Variants in MYO7B observed in about 807,000 individuals in gnomAD.
MYO7B encodes myosin VIIB.
In MYO7B, 212 loss-of-function variants were observed where a neutral mutation model predicts 259.7. That is an observed-to-expected ratio of 0.82 (90% confidence interval 0.73 to 0.91). MYO7B has a LOEUF of 0.91. MYO7B is among the 40% of genes least tolerant of loss of function. The probability of loss-of-function intolerance (pLI) is 0.00; values close to 1 mark genes in which losing one functional copy is unlikely to be tolerated. For missense variants in MYO7B, 2,732 were observed against 2,813.5 expected (o/e 0.97, Z 0.66); for synonymous variants, 1,197 against 1,166.4 (o/e 1.03, Z -0.54).
In MYO7B at chr2:127,556,229, T is replaced by A. The variant is rs148317165; in HGVS notation, c.-23-3471T>A. 7.9e-3 allele frequency among the ~76,000 whole-genome samples: 1,201 copies of A among 152,336 alleles called. 20 individuals carry two copies. Among genetic ancestry groups the A allele is most frequent in the African/African-American group, 0.027 (1,128 of 41,574 alleles). On this transcript the variant is annotated intron_variant, in intron 1 of 47. Coordinates refer to ENST00000409816, the MANE Select transcript of MYO7B (RefSeq NM_001393586.1). The stretch of plus-strand genomic sequence containing the variant: ...TAAGAATAACTACTCCTACTCACGT[T>A]TGGTGTCCATTTGCACAGAATGTCT...
Position 127,615,925 on chromosome 2 carries a change from T to G in MYO7B, c.3398+3322T>G, listed in dbSNP as rs1037353160. ...TCCACAGGTCCCTCCAGTCTCCCGT[T>G]GCATGGTCGCACACAACTTGAGGGC... On this transcript the variant is annotated intron_variant, in intron 26 of 47. Transcript: ENST00000409816. The surrounding 1 kb of genome is among the most constrained non-coding windows in gnomAD (Gnocchi z 4.4). Among the ~76,000 whole-genome samples, 2 of 152,208 alleles carry G rather than the reference T, an allele frequency of 1.3e-5. No homozygotes were observed. The highest frequency in any genetic ancestry group is 4.8e-5 in the African/African-American group (2 of 41,444).
At chr2:127,571,331 G>A (rs963624868) in intron 6 of MYO7B, among the ~76,000 whole-genome samples, 12 of 151,618 alleles carry the variant, frequency 7.9e-5, no homozygotes, top group Middle Eastern at 3.4e-3. Context: ...GGATGTTAGC[G>A]TCCTTCCTCA....
In MYO7B at chr2:127,636,739, C is replaced by T. The variant is rs1573734766; in HGVS notation, c.6208-55C>T. ...CCTGCCTCTCTCCTGTCCCCTAACA[C>T]ACACAGAGCCCGTGCTCTGGAGGCG... On this transcript the variant is annotated intron_variant, in intron 46 of 47. Transcript: ENST00000409816. The surrounding 1 kb of genome is among the most constrained non-coding windows in gnomAD (Gnocchi z 4.5). 6.2e-6 allele frequency: 10 copies of T among 1,612,044 alleles called. No individual in the cohort carries two copies. In the East Asian group the frequency reaches 1.8e-4, roughly 29 times the overall value.
chr2:127,632,913 C>T (rs2105140006), intron 39 of MYO7B, among the ~76,000 whole-genome samples: 1 of 152,294 alleles, frequency 6.6e-6, no homozygotes, highest in South Asian at 2.1e-4. Context: ...AGGTGGGCGC[C>T]CCATAGAGGC....
In MYO7B at chr2:127,632,367, C is replaced by A. The variant is rs1009702567; in HGVS notation, c.5371C>A (p.Pro1791Thr). The part of the protein sequence containing the change: ...IDTRRGKLLA[P>T]DCSRRIQKVL... The stretch of plus-strand genomic sequence containing the variant: ...CACTCGGAGGGGGAAGCTGCTGGCC[C>A]CCGACTGCAGCCGCCGAATCCAGAA... The change falls in exon 39 of 48, where the codon CCC (proline) becomes ACC (threonine). Residue 1791 changes from proline to threonine, a missense_variant. By Grantham distance (38) the Pro-to-Thr change is conservative. This residue lies in a region of MYO7B where 821 missense variants were observed against 769.3 expected (regional missense o/e 1.07). Coordinates refer to ENST00000409816, the MANE Select transcript of MYO7B (RefSeq NM_001393586.1). The A allele has an allele frequency of 6.3e-7, 1 of 1,587,492 alleles. No homozygotes were observed. Among genetic ancestry groups the A allele is most frequent in the Admixed American group, 1.8e-5 (1 of 56,776 alleles).
chr2:127,565,169 G>A, intron 3 of MYO7B, 64 bp from the exon 4 acceptor site: 2 of 1,559,136 alleles, frequency 1.3e-6, no homozygotes, highest in South Asian at 1.2e-5. Flanking sequence ...GGAGGGGAGG[G>A]TGTGGCAGGC....
Position 127,622,065 on chromosome 2 carries a change from G to T in MYO7B, c.3609G>T (p.Gly1203=), listed in dbSNP as rs1195763596. The T allele has an allele frequency of 1.9e-6, 3 of 1,551,476 alleles. No homozygotes were observed. The Admixed American group carries it at 5.9e-5, about 30-fold the overall frequency. ...AERLRRTYAN[G]VRAEPPTWLE... ...GCCTGAGACGCACCTATGCCAATGG[G>T]GTGCGTGCGGAGCCCCCCACCTGGC... Residue 1203 remains glycine, a synonymous_variant, in exon 28 of 48, where the codon GGG becomes GGT. Transcript: ENST00000409816.
rs947417414 is a variant in MYO7B, at chr2:127,577,234, C to A, written c.849+526C>A. Among the ~76,000 whole-genome samples the A allele has an allele frequency of 6.6e-6, 1 of 152,110 alleles. No individual in the cohort carries two copies. Among genetic ancestry groups the A allele is most frequent in the African/African-American group, 2.4e-5 (1 of 41,418 alleles). ...TGGTTTATTGACCACAGAGTGGACC[C>A]AGAGCATTCTGCCTCTGGGATCTCT... On this transcript the variant is annotated intron_variant, in intron 8 of 47. Coordinates refer to ENST00000409816, the MANE Select transcript of MYO7B (RefSeq NM_001393586.1). This position sits in a 1 kb window ranked among gnomAD's most constrained non-coding sequence, Gnocchi z 5.2.
rs1192593984 is a variant in MYO7B, at chr2:127,634,223, C to T, written c.5559C>T (p.Ser1853=). ...CACGGGTGCGGGATGTGTGTGACAG[C>T]ATTGCCACCAGGCTGCAGCTGGCCT... ...ANTRVRDVCD[S]IATRLQLASW... Residue 1853 remains serine, a synonymous_variant, in exon 41 of 48, where the codon AGC becomes AGT. Transcript: ENST00000409816. The T allele has an allele frequency of 2.5e-6, 4 of 1,599,742 alleles. No individual in the cohort carries two copies. Among genetic ancestry groups the T allele is most frequent in the African/African-American group, 1.3e-5 (1 of 74,242 alleles).
At chr2:127,631,847 G>T (rs10183797) in intron 38 of MYO7B, 94 bp downstream of exon 38, 1 of 1,481,028 alleles carries the variant, frequency 6.8e-7, no homozygotes. Context: ...CACCGCAGCT[G>T]GTGGCGGCAG....
rs938731521 is a variant in MYO7B, at chr2:127,576,764, T to G, written c.849+56T>G. 5.4e-6 allele frequency: 7 copies of G among 1,286,106 alleles called. No individual in the cohort carries two copies. In the African/African-American group the frequency reaches 8.9e-5, roughly 16 times the overall value. The allele number at this position is 1,286,106 out of a possible 1,614,324, so 79.7% of individuals were successfully genotyped here. A position where few individuals can be genotyped will look rare whatever the true frequency, so the allele number is the denominator to read the frequency against. ...CCAGTGGAAGGGAGGAAAAAGAGCT[T>G]GTGCCGCTCCACCCTCCGCGACAGC... On this transcript the variant is annotated intron_variant, in intron 8 of 47. Transcript: ENST00000409816. This position sits in a 1 kb window ranked among gnomAD's most constrained non-coding sequence, Gnocchi z 4.9.
Position 127,633,268 on chromosome 2 carries a change from C to T in MYO7B, c.5416C>T (p.Arg1806Trp), listed in dbSNP as rs749576991. 1.9e-5 allele frequency: 31 copies of T among 1,610,354 alleles called. No individual in the cohort carries two copies. The highest frequency in any genetic ancestry group is 4.5e-5 in the East Asian group (2 of 44,812). The change falls in exon 40 of 48, where the codon CGG (arginine) becomes TGG (tryptophan). Residue 1806 changes from arginine to tryptophan, a missense_variant. By Grantham distance (101) the Arg-to-Trp change is moderately radical. Transcript: ENST00000409816. Reference sequence around the variant, plus strand: ...CGCTGTCCCCCTCAGGACGGGGCCCCGGAAGCAGCCCCCGCACCAGGTGGA... The same window carrying T: ...CGCTGTCCCCCTCAGGACGGGGCCCTGGAAGCAGCCCCCGCACCAGGTGGA... ...RIQKVLRTGP[R>W]KQPPHQVEVE...
chr2:127,605,261 G>C (rs986938076), intron 19 of MYO7B, among the ~76,000 whole-genome samples: 1 of 152,152 alleles, frequency 6.6e-6, no homozygotes, highest in Non-Finnish European at 1.5e-5. Flanking sequence ...TAGCTCTTTG[G>C]GGGTAGAGGG....
In MYO7B at chr2:127,545,191, G is replaced by A. The variant is rs1458137754; in HGVS notation, c.-24+9360G>A. Among the ~76,000 whole-genome samples, 55 of 152,242 alleles carry A rather than the reference G, an allele frequency of 3.6e-4. 1 individual carries two copies. The highest frequency in any genetic ancestry group is 3.6e-3 in the Admixed American group (55 of 15,284). ...CATCTACCTTGATGAACTTTTACAA[G>A]TATATTTGCAGGGTATGTTGCTAAT... On this transcript the variant is annotated intron_variant, in intron 1 of 47. Coordinates refer to ENST00000409816, the MANE Select transcript of MYO7B (RefSeq NM_001393586.1).
At position 127,559,448 on chromosome 2, in the gene MYO7B, C is replaced by T. The variant is rs1677975060; in HGVS notation, c.-23-252C>T. Among the ~76,000 whole-genome samples, 1 of 152,198 alleles carries T rather than the reference C, an allele frequency of 6.6e-6. No homozygotes were observed. The highest frequency in any genetic ancestry group is 1.5e-5 in the Non-Finnish European group (1 of 68,036). On this transcript the variant is annotated intron_variant, in intron 1 of 47. Coordinates refer to ENST00000409816, the MANE Select transcript of MYO7B (RefSeq NM_001393586.1). This position sits in a 1 kb window ranked among gnomAD's most constrained non-coding sequence, Gnocchi z 4.1. ...TGGATGACAGGGAACCACCTACTCC[C>T]TGTATCAAGCCCAGGACTGGGTATG...
chr2:127,631,325 A>G lies in MYO7B; in HGVS notation c.5057A>G (p.Asn1686Ser), dbSNP rs376675916. The G allele has an allele frequency of 4.0e-5, 64 of 1,611,752 alleles. No individual in the cohort carries two copies. The East Asian group carries it at 8.9e-4, about 22-fold the overall frequency. The change falls in exon 37 of 48, where the codon AAC (asparagine) becomes AGC (serine). Residue 1686 changes from asparagine to serine, a missense_variant. Transcript: ENST00000409816. ...RQPLLKRVHA[N>S]VDLWDIACQI... ...CCGCTGCTCAAGCGAGTCCACGCCA[A>G]CGTCGACCTCTGGGACATCGCCTGC... is the stretch of plus-strand genomic sequence containing the variant.
At position 127,627,147 on chromosome 2, in the gene MYO7B, C is replaced by G. The variant is rs1439431064; in HGVS notation, c.4334-37C>G. On this transcript the variant is annotated intron_variant, in intron 32 of 47. Coordinates refer to ENST00000409816, the MANE Select transcript of MYO7B (RefSeq NM_001393586.1). The surrounding 1 kb of genome is among the most constrained non-coding windows in gnomAD (Gnocchi z 5.6). ...AGGTATGGGCTGGGCACCCAGGGGT[C>G]CCATGCAGCCTTCACACTGCCGTCT... is the stretch of plus-strand genomic sequence containing the variant. 2 of 1,603,580 alleles carry G rather than the reference C, an allele frequency of 1.2e-6. No homozygotes were observed. Among genetic ancestry groups the G allele is most frequent in the Non-Finnish European group, 1.7e-6 (2 of 1,175,370 alleles).
At chr2:127,544,201 C>T (rs1693125622) in intron 1 of MYO7B, among the ~76,000 whole-genome samples, 1 of 152,132 alleles carries the variant, frequency 6.6e-6, no homozygotes, top group South Asian at 2.1e-4. Flanking sequence ...CTCAGCCTCT[C>T]AAGTAGCTGG....
At chr2:127,578,685 G>T (rs977779559) in intron 9 of MYO7B, among the ~76,000 whole-genome samples, 1 of 152,132 alleles carries the variant, frequency 6.6e-6, no homozygotes, top group Non-Finnish European at 1.5e-5. Flanking sequence ...GACAGTCCTC[G>T]CTGGAAAAAA....
Sources: gnomAD v4.1 joint callset for allele counts (sites outside exome capture counted in the v4.1 genomes callset) on GRCh38, gnomAD v4.1.1 for gene constraint, gnomAD v4.1.1 regional missense constraint, Gnocchi (gnomAD v3.1) non-coding constraint, MANE v1.5 for transcripts, NCBI Gene and HGNC (gene_info 2026-07-23, HGNC 2026-07-21) for gene names.